Variants in RNF216 observed in about 807,000 individuals in gnomAD.
The protein encoded by RNF216 is E3 ubiquitin-protein ligase RNF216.
In RNF216, 72 loss-of-function variants were observed where a neutral mutation model predicts 110.8. The ratio of observed to expected loss-of-function variants is 0.65; its 90% CI spans 0.54 to 0.79. The LOEUF (loss-of-function observed/expected upper bound fraction) is 0.79. RNF216 is among the 30% of genes least tolerant of loss of function. The pLI is 0.00. For missense variants in RNF216, 1,342 were observed against 1,141.2 expected, an observed-to-expected ratio of 1.18 and a Z score of -2.54; for synonymous variants, 495 against 407.5, an observed-to-expected ratio of 1.21 and a Z score of -2.59.
At chr7:5,753,800 G>C (rs1045516224) in intron 2 of RNF216, among the ~76,000 whole-genome samples, 8 of 152,134 alleles carry the variant, frequency 5.3e-5, no homozygotes, top group Non-Finnish European at 2.9e-5. Context: ...TTTGAGACCA[G>C]CCAGACGAAC....
intron 13 of RNF216, among the ~76,000 whole-genome samples, chr7:5,677,174 C>T (rs852404): frequency 0.015 from 2,281 of 152,268 alleles, 31 homozygotes; most frequent in South Asian, 0.034. Flanking sequence ...TCTAATTTGT[C>T]CAGGTGTTAA....
intron 13 of RNF216, among the ~76,000 whole-genome samples, chr7:5,664,604 G>A (rs1335683333): frequency 1.3e-5 from 2 of 152,162 alleles, no homozygotes; most frequent in Non-Finnish European, 2.9e-5. Context: ...AGAGGGGTCA[G>A]GACTGGAAAT....
chr7:5,737,394 C>A (rs1301989351), intron 5 of RNF216, among the ~76,000 whole-genome samples: 7 of 152,094 alleles, frequency 4.6e-5, no homozygotes, highest in Non-Finnish European at 1.0e-4. Context: ...CGGAAGACCC[C>A]AGGGTCCTCT....
chr7:5,756,927 C>T (rs191427806), intron 2 of RNF216, among the ~76,000 whole-genome samples: 4 of 152,312 alleles, frequency 2.6e-5, no homozygotes, highest in South Asian at 4.1e-4. Context: ...TGAGCCACTG[C>T]GCCTGGCTGA....
At position 5,725,070 on chromosome 7, in the gene RNF216, C is replaced by T. The variant is rs574978063; in HGVS notation, c.1504+254G>A. On this transcript the variant is annotated intron_variant, in intron 8 of 16. Transcript: ENST00000389902. ...TTAACAGCACACTCAAATACCTTCT[C>T]ACACATGAATTTTCTAACACCACAC... 7.2e-5 allele frequency among the ~76,000 whole-genome samples: 11 copies of T among 152,298 alleles called. No individual in the cohort carries two copies. In the East Asian group the frequency reaches 1.7e-3, roughly 24 times the overall value.
chr7:5,710,203 T>C (rs575146637), intron 13 of RNF216, among the ~76,000 whole-genome samples: 1 of 152,114 alleles, frequency 6.6e-6, no homozygotes, highest in Admixed American at 6.5e-5. Context: ...CTACTAAAAA[T>C]ATAAAAATCA....
At chr7:5,641,987 C>A (rs1310714424) in intron 14 of RNF216, among the ~76,000 whole-genome samples, 3 of 144,402 alleles carry the variant, frequency 2.1e-5, no homozygotes, top group African/African-American at 7.8e-5. Context: ...GAGCTGAGAC[C>A]GTGTCACTGC....
intron 15 of RNF216, among the ~76,000 whole-genome samples, chr7:5,639,539 C>T (rs1034020954): frequency 6.6e-6 from 1 of 152,122 alleles, no homozygotes; most frequent in African/African-American, 2.4e-5. Flanking sequence ...TCTCAGCTCA[C>T]TGCAACCTCC....
intron 7 of RNF216, among the ~76,000 whole-genome samples, chr7:5,729,227 G>C (rs1383105215): frequency 6.6e-6 from 1 of 152,174 alleles, no homozygotes; most frequent in Non-Finnish European, 1.5e-5. Flanking sequence ...GGTCAAAGCA[G>C]AACTTCTCTG....
intron 13 of RNF216, among the ~76,000 whole-genome samples, chr7:5,661,293 G>A (rs1338548074): frequency 6.6e-6 from 1 of 152,112 alleles, no homozygotes; most frequent in Non-Finnish European, 1.5e-5. Flanking sequence ...CCAGTCAGTG[G>A]CGCCAGCATA....
chr7:5,688,707 A>G (rs1157145710), intron 13 of RNF216, among the ~76,000 whole-genome samples: 1 of 152,100 alleles, frequency 6.6e-6, no homozygotes, highest in Admixed American at 6.5e-5. Context: ...CCTTATCCAT[A>G]CTTATTATCA....
chr7:5,629,015 C>T (rs1436145331), intron 15 of RNF216, among the ~76,000 whole-genome samples: 1 of 151,436 alleles, frequency 6.6e-6, no homozygotes, highest in Non-Finnish European at 1.5e-5. Context: ...GTGGCTAACA[C>T]GGTGAAACCC....
At chr7:5,631,925 C>A (rs1488756370) in intron 15 of RNF216, among the ~76,000 whole-genome samples, 2 of 152,214 alleles carry the variant, frequency 1.3e-5, no homozygotes, top group Non-Finnish European at 2.9e-5. Flanking sequence ...TTAGCTCACA[C>A]CCCCTTCTCC....
chr7:5,687,013 TA>T (rs1238854532), intron 13 of RNF216, among the ~76,000 whole-genome samples: 1 of 152,212 alleles, frequency 6.6e-6, no homozygotes, highest in East Asian at 1.9e-4. Context: ...TCTTAAAAGA[TA>T]AAAGCAGAGC....
chr7:5,694,754 G>A (rs1290409222), intron 13 of RNF216, among the ~76,000 whole-genome samples: 1 of 152,174 alleles, frequency 6.6e-6, no homozygotes, highest in Non-Finnish European at 1.5e-5. Context: ...GTGTTGGGCT[G>A]GTCTCCTGGT....
At chr7:5,658,188 A>C (rs1247105533) in intron 13 of RNF216, among the ~76,000 whole-genome samples, 3 of 152,180 alleles carry the variant, frequency 2.0e-5, no homozygotes, top group Non-Finnish European at 4.4e-5. Context: ...GCAACCAATA[A>C]AGTGCTTCTC....
intron 15 of RNF216, among the ~76,000 whole-genome samples, chr7:5,632,494 C>G (rs541333502): frequency 6.6e-6 from 1 of 152,304 alleles, no homozygotes; most frequent in South Asian, 2.1e-4. Context: ...CCTGGATCAG[C>G]AAGGGCTCAA....
chr7:5,750,303 G>A (rs1280147006), intron 3 of RNF216, among the ~76,000 whole-genome samples: 1 of 152,156 alleles, frequency 6.6e-6, no homozygotes. Flanking sequence ...GTCTGCCCTG[G>A]TTTGGTTTCC....
At chr7:5,716,154 A>C (rs1215333438) in intron 10 of RNF216, among the ~76,000 whole-genome samples, 1 of 152,154 alleles carries the variant, frequency 6.6e-6, no homozygotes, top group East Asian at 1.9e-4. Flanking sequence ...GGCCTCTCAA[A>C]GTGCTGGAAT....
Sources: gnomAD v4.1 joint callset for allele counts (sites outside exome capture counted in the v4.1 genomes callset) on GRCh38, gnomAD v4.1.1 for gene constraint, MANE v1.5 for transcripts, NCBI Gene and HGNC (gene_info 2026-07-23, HGNC 2026-07-21) for gene names.